RIMS2: variants seen among roughly 807,000 people sequenced by gnomAD.
RIMS2 encodes the protein regulating synaptic membrane exocytosis 2.
RIMS2 carries 59 observed loss-of-function variants against 174.4 expected under a neutral mutation model. The observed-to-expected ratio is 0.34, with a 90% CI of 0.27 to 0.42. The LOEUF is 0.42. Ranked by LOEUF, RIMS2 falls within the 10% of genes least tolerant of loss-of-function variation. The probability of loss-of-function intolerance (pLI) is 1.00; values close to 1 mark genes in which losing one functional copy is unlikely to be tolerated. For missense variants in RIMS2, 1,620 were observed against 1,666.3 expected, an observed-to-expected ratio of 0.97 and a Z score of 0.48; for synonymous variants, 606 against 572.5, an observed-to-expected ratio of 1.06 and a Z score of -0.84.
chr8:103,612,523 C>A (rs1023208252), intron 1 of RIMS2, among the ~76,000 whole-genome samples: 1 of 152,174 alleles, frequency 6.6e-6, no homozygotes, highest in South Asian at 2.1e-4. Context: ...CTTTGGTGGC[C>A]TTGTATAACA....
At chr8:103,744,611 G>C (rs2139462272) in intron 2 of RIMS2, among the ~76,000 whole-genome samples, 1 of 152,226 alleles carries the variant, frequency 6.6e-6, no homozygotes, top group South Asian at 2.1e-4. Context: ...ATTCCAAATG[G>C]TACCTGCAAA....
chr8:104,056,923 C>T (rs1341215440), intron 19 of RIMS2, among the ~76,000 whole-genome samples: 6 of 152,040 alleles, frequency 3.9e-5, no homozygotes, highest in African/African-American at 1.4e-4. Flanking sequence ...TCCTAAGTAT[C>T]CTAAATATAC....
intron 2 of RIMS2, among the ~76,000 whole-genome samples, chr8:103,707,081 C>A (rs2097241017): frequency 6.6e-6 from 1 of 152,096 alleles, no homozygotes; most frequent in South Asian, 2.1e-4. Flanking sequence ...TAATGCATTT[C>A]TTTTAATCAT....
At chr8:103,657,924 C>T (rs1468255188) in intron 1 of RIMS2, among the ~76,000 whole-genome samples, 1 of 152,268 alleles carries the variant, frequency 6.6e-6, no homozygotes, top group South Asian at 2.1e-4. Context: ...TAGCAAATGG[C>T]AGCTTGGCTG....
At chr8:104,013,298 C>G (rs1209525544) in intron 17 of RIMS2, 144 bp from the exon 20 acceptor site, 3 of 584,254 alleles carry the variant, frequency 5.1e-6, no homozygotes, top group Non-Finnish European at 8.4e-6. Flanking sequence ...TGAAATTGCT[C>G]AGAATATGTT....
At chr8:103,512,994 G>C (rs1386371154) in intron 1 of RIMS2, among the ~76,000 whole-genome samples, 1 of 152,042 alleles carries the variant, frequency 6.6e-6, no homozygotes, top group Non-Finnish European at 1.5e-5. Flanking sequence ...TTGAAATTTT[G>C]CATTTTTAAA....
chr8:103,795,138 G>T (rs911295068), intron 3 of RIMS2, among the ~76,000 whole-genome samples: 2 of 152,110 alleles, frequency 1.3e-5, no homozygotes, highest in Non-Finnish European at 2.9e-5. Context: ...ATGCACATGT[G>T]TGTTTATTGT....
chr8:104,135,689 CA>C (rs2098513928), intron 19 of RIMS2, among the ~76,000 whole-genome samples: 1 of 148,594 alleles, frequency 6.7e-6, no homozygotes, highest in Non-Finnish European at 1.5e-5. Context: ...TAGGATTTAT[CA>C]AGGAGTTCAG....
intron 19 of RIMS2, among the ~76,000 whole-genome samples, chr8:104,067,790 T>G (rs1352730782): frequency 6.6e-6 from 1 of 152,234 alleles, no homozygotes; most frequent in African/African-American, 2.4e-5. Flanking sequence ...CTTCTGAATA[T>G]TTACAACTGA....
intron 1 of RIMS2, among the ~76,000 whole-genome samples, chr8:103,603,592 G>T (rs1323589253): frequency 7.2e-5 from 11 of 151,912 alleles, no homozygotes; most frequent in Non-Finnish European, 1.3e-4. Context: ...CACAATGGTT[G>T]AACTAGTTTA....
chr8:103,598,716 A>G (rs1025660730), intron 1 of RIMS2, among the ~76,000 whole-genome samples: 1 of 152,148 alleles, frequency 6.6e-6, no homozygotes, highest in African/African-American at 2.4e-5. Flanking sequence ...CTTGATCTCA[A>G]AGTCTTCCAA....
At chr8:103,752,477 A>T (rs557328319) in intron 2 of RIMS2, among the ~76,000 whole-genome samples, 1 of 152,090 alleles carries the variant, frequency 6.6e-6, no homozygotes, top group Non-Finnish European at 1.5e-5. Flanking sequence ...GTTTTTTCCA[A>T]TTCTGTGAAG....
chr8:104,168,154 TTTTTGGTTCCATATAAA>T (rs902210243), intron 19 of RIMS2, among the ~76,000 whole-genome samples: 3 of 152,238 alleles, frequency 2.0e-5, no homozygotes, highest in African/African-American at 7.2e-5. Context: ...TGCAGTCTCT[TTTTTGGTTCCATATAAA>T]TTTTAGGATT....
chr8:103,569,354 CT>C (rs2092631619), intron 1 of RIMS2, among the ~76,000 whole-genome samples: 1 of 152,012 alleles, frequency 6.6e-6, no homozygotes. Flanking sequence ...GATACAAGGG[CT>C]TATTTCTGGA....
chr8:103,847,905 A>C (rs184239149), intron 3 of RIMS2, among the ~76,000 whole-genome samples: 2 of 152,164 alleles, frequency 1.3e-5, no homozygotes, highest in Admixed American at 1.3e-4. Context: ...TGGTGAGGAC[A>C]GAGACCAGCA....
At chr8:104,141,563 T>C (rs1186394146) in intron 19 of RIMS2, among the ~76,000 whole-genome samples, 1 of 152,212 alleles carries the variant, frequency 6.6e-6, no homozygotes, top group East Asian at 1.9e-4. Context: ...CTCACAGTCT[T>C]AGGACAGCTC....
intron 1 of RIMS2, among the ~76,000 whole-genome samples, chr8:103,602,161 G>T (rs1477227766): frequency 6.6e-6 from 1 of 151,638 alleles, no homozygotes; most frequent in East Asian, 1.9e-4. Flanking sequence ...AATTTTTTTG[G>T]TATATTTAGT....
Position 104,051,254 on chromosome 8 carries a change from G to GTA in RIMS2, c.3334+36653_3334+36654dup, listed in dbSNP as rs757201127. On this transcript the variant is annotated intron_variant, in intron 19 of 23. Transcript: ENST00000504942. ...ACCCTGTCTCAAAACAAGTGTGTGT[G>GTA]TATATATATATATATGTATGTGTGT... Among the ~76,000 whole-genome samples, 808 of 148,968 alleles carry GTA rather than the reference G, an allele frequency of 5.4e-3. 4 individuals are homozygous for GTA. The highest frequency in any genetic ancestry group is 7.2e-3 in the Non-Finnish European group (481 of 67,080).
intron 3 of RIMS2, among the ~76,000 whole-genome samples, chr8:103,860,346 G>A (rs573607045): frequency 1.3e-5 from 2 of 152,108 alleles, no homozygotes; most frequent in African/African-American, 4.8e-5. Flanking sequence ...TTTCTTATTT[G>A]TACAAATGAT....
Sources: allele counts gnomAD v4.1 joint callset (sites outside exome capture counted in the v4.1 genomes callset), GRCh38; gene constraint gnomAD v4.1.1; transcripts MANE v1.5; gene names NCBI Gene and HGNC (gene_info 2026-07-23, HGNC 2026-07-21).